The following AGBL4 variants were observed in gnomAD, a reference collection of about 807,000 sequenced individuals.
The protein encoded by AGBL4 is AGBL carboxypeptidase 4.
In AGBL4, 58 loss-of-function variants were observed where a neutral mutation model predicts 66.4. That is an observed-to-expected ratio of 0.87 (90% CI 0.71 to 1.09). AGBL4 has a LOEUF of 1.09. AGBL4 is among the 50% of genes least tolerant of loss of function. The pLI is 0.00. For synonymous variants in AGBL4, 234 were observed against 222.9 expected (o/e 1.05, Z -0.44); for missense variants, 579 against 631.0 (o/e 0.92, Z 0.88).
chr1:49,097,531 T>C (rs764920797), intron 4 of AGBL4, among the ~76,000 whole-genome samples: 1 of 152,222 alleles, frequency 6.6e-6, no homozygotes, highest in Non-Finnish European at 1.5e-5. Context: ...AGGTTACCCA[T>C]GAAGGCCATA....
chr1:49,663,724 T>C (rs990908323), intron 3 of AGBL4, among the ~76,000 whole-genome samples: 3 of 151,122 alleles, frequency 2.0e-5, no homozygotes, highest in Admixed American at 6.6e-5. Context: ...GAATAAGATA[T>C]GACAGTAGAA....
At chr1:48,937,766 G>C (rs890988391) in intron 5 of AGBL4, among the ~76,000 whole-genome samples, 1 of 152,138 alleles carries the variant, frequency 6.6e-6, no homozygotes, top group Admixed American at 6.5e-5. Flanking sequence ...TCAAAAAGCA[G>C]GCAACTGCTA....
intron 2 of AGBL4, among the ~76,000 whole-genome samples, chr1:49,719,364 A>T (rs1648414117): frequency 6.6e-6 from 1 of 152,116 alleles, no homozygotes; most frequent in Admixed American, 6.6e-5. Context: ...GAGAGAAATC[A>T]CTTCTTTTTA....
At chr1:49,392,696 TATAC>T (rs1162338173) in intron 3 of AGBL4, among the ~76,000 whole-genome samples, 2 of 96,276 alleles carry the variant, frequency 2.1e-5, no homozygotes, top group African/African-American at 9.9e-5. Context: ...TTCAACTGTG[TATAC>T]ACACACACAC....
intron 6 of AGBL4, among the ~76,000 whole-genome samples, chr1:48,713,930 A>G (rs1317725801): frequency 6.6e-6 from 1 of 152,196 alleles, no homozygotes; most frequent in Non-Finnish European, 1.5e-5. Context: ...CCCATTTTAC[A>G]GCTGAGGAAA....
At chr1:49,639,801 G>A (rs778285033) in intron 3 of AGBL4, among the ~76,000 whole-genome samples, 37 of 152,218 alleles carry the variant, frequency 2.4e-4, no homozygotes, top group South Asian at 4.2e-4. Context: ...CAATTTTGCC[G>A]GATGAAATCA....
At chr1:49,373,490 G>A (rs1382918913) in intron 3 of AGBL4, among the ~76,000 whole-genome samples, 1 of 152,026 alleles carries the variant, frequency 6.6e-6, no homozygotes, top group Non-Finnish European at 1.5e-5. Flanking sequence ...CCATAATATT[G>A]GAACTGAGAA....
At chr1:48,856,212 GTGA>G (rs1647147171) in intron 6 of AGBL4, among the ~76,000 whole-genome samples, 1 of 152,130 alleles carries the variant, frequency 6.6e-6, no homozygotes, top group Non-Finnish European at 1.5e-5. Flanking sequence ...AATAGAGAAA[GTGA>G]TGATAAAAAG....
chr1:49,493,813 A>G (rs1179690889), intron 3 of AGBL4, among the ~76,000 whole-genome samples: 2 of 152,002 alleles, frequency 1.3e-5, no homozygotes, highest in African/African-American at 4.8e-5. Flanking sequence ...AAATTAAATA[A>G]ATTGTTCTCT....
chr1:49,941,624 A>G (rs1163297418), intron 1 of AGBL4, among the ~76,000 whole-genome samples: 1 of 152,114 alleles, frequency 6.6e-6, no homozygotes, highest in African/African-American at 2.4e-5. Context: ...TAAAAGATAA[A>G]AAATTATATG....
chr1:48,753,034 C>T (rs1055763747), intron 6 of AGBL4, among the ~76,000 whole-genome samples: 4 of 152,244 alleles, frequency 2.6e-5, no homozygotes, highest in Non-Finnish European at 4.4e-5. Context: ...AGGCGTGAGC[C>T]ACTGCCCCCG....
chr1:48,583,462 T>A (rs1260995534), intron 11 of AGBL4, among the ~76,000 whole-genome samples: 1 of 152,196 alleles, frequency 6.6e-6, no homozygotes, highest in East Asian at 1.9e-4. Flanking sequence ...ATCTAGTAAG[T>A]GGGTGAGCCT....
intron 1 of AGBL4, among the ~76,000 whole-genome samples, chr1:49,857,728 A>G (rs577283572): frequency 1.3e-5 from 2 of 152,278 alleles, no homozygotes; most frequent in Admixed American, 6.5e-5. Flanking sequence ...AATCAACTCA[A>G]TGTGAATTAT....
At chr1:48,981,173 G>T (rs1659736224) in intron 5 of AGBL4, among the ~76,000 whole-genome samples, 1 of 152,158 alleles carries the variant, frequency 6.6e-6, no homozygotes, top group Non-Finnish European at 1.5e-5. Flanking sequence ...GAACATCTGT[G>T]TATTTTGTTA....
At chr1:49,333,763 A>G (rs1645381354) in intron 3 of AGBL4, among the ~76,000 whole-genome samples, 1 of 152,218 alleles carries the variant, frequency 6.6e-6, no homozygotes, top group South Asian at 2.1e-4. Flanking sequence ...CAGGAACATG[A>G]TGGTCGAGAT....
intron 2 of AGBL4, among the ~76,000 whole-genome samples, chr1:49,798,928 G>A (rs1361107184): frequency 6.6e-6 from 1 of 152,034 alleles, no homozygotes; most frequent in East Asian, 1.9e-4. Context: ...CAAAATTATA[G>A]CTACTTATCT....
rs533682000 is a variant in AGBL4 at position 49,359,458 on chromosome 1, C to CA, written c.283-113595dup. 2.0e-5 allele frequency among the ~76,000 whole-genome samples: 3 copies of CA among 151,770 alleles called. No individual in the cohort carries two copies. The South Asian group carries it at 6.3e-4, about 32-fold the overall frequency. ...TAGCATATGTTCAATAAATGGTTTC[C>CA]AAAAAAACAAAAATGCAAAAAGCAA... On this transcript the variant is annotated intron_variant, in intron 3 of 13. Coordinates refer to ENST00000371839, the MANE Select transcript of AGBL4 (RefSeq NM_032785.4).
At chr1:48,727,460 C>T (rs1647362765) in intron 6 of AGBL4, 2 of 152,338 alleles carry the variant, frequency 1.3e-5, no homozygotes, top group South Asian at 4.1e-4. Context: ...GGCGGCACAA[C>T]ACTCTGGTCA....
intron 3 of AGBL4, among the ~76,000 whole-genome samples, chr1:49,415,968 G>A (rs1029709055): frequency 2.6e-5 from 4 of 152,012 alleles, no homozygotes; most frequent in African/African-American, 9.7e-5. Flanking sequence ...TGCATGGAAC[G>A]ATATTCTACA....
Sources: allele counts gnomAD v4.1 joint callset (sites outside exome capture counted in the v4.1 genomes callset), GRCh38; gene constraint gnomAD v4.1.1; transcripts MANE v1.5; gene names NCBI Gene and HGNC (gene_info 2026-07-23, HGNC 2026-07-21).